Variants in PUS10 observed in about 807,000 individuals in gnomAD.
The protein encoded by PUS10 is tRNA pseudouridine synthase Pus10.
PUS10 carries 59 observed loss-of-function variants against 75.0 expected under a neutral mutation model. The observed-to-expected ratio is 0.79, with a 90% CI of 0.64 to 0.98. The LOEUF (loss-of-function observed/expected upper bound fraction) is 0.98, where lower values mean the gene tolerates loss of function less well. PUS10 is among the 50% of genes least tolerant of loss of function. The pLI is 0.00. For missense variants in PUS10, 650 were observed against 614.4 expected, an observed-to-expected ratio of 1.06 and a Z score of -0.61; for synonymous variants, 219 against 211.6, an observed-to-expected ratio of 1.03 and a Z score of -0.30.
At chr2:60,965,513 G>A (rs751395687) in intron 6 of PUS10, 29 bp from the exon 7 acceptor site, 4 of 1,497,070 alleles carry the variant, frequency 2.7e-6, no homozygotes, top group South Asian at 2.4e-5. Context: ...GTTTAAAAAT[G>A]AGCAAAAGGA....
At chr2:60,997,135 TAG>T (rs1277431451) in intron 4 of PUS10, among the ~76,000 whole-genome samples, 2 of 152,190 alleles carry the variant, frequency 1.3e-5, no homozygotes, top group Non-Finnish European at 2.9e-5. Context: ...TTTGATAAGA[TAG>T]AGTGGATTGC....
intron 4 of PUS10, among the ~76,000 whole-genome samples, chr2:60,994,384 C>CAAAAAAAAA (rs35312310): frequency 7.3e-6 from 1 of 136,386 alleles, no homozygotes. Context: ...TTCCTCAGAG[C>CAAAAAAAAA]AAAAAAAAAA....
chr2:60,974,301 C>T (rs560596618), intron 4 of PUS10, among the ~76,000 whole-genome samples: 3 of 150,704 alleles, frequency 2.0e-5, no homozygotes, highest in Admixed American at 6.6e-5. Context: ...CTGCAACCTC[C>T]GCCTCCCGAG....
intron 4 of PUS10, among the ~76,000 whole-genome samples, chr2:61,004,637 A>G (rs941395274): frequency 6.6e-6 from 1 of 151,182 alleles, no homozygotes; most frequent in African/African-American, 2.4e-5. Context: ...TCAAAAAAAA[A>G]AAAAAAAAAA....
chr2:60,999,293 TAGA>T (rs1341670828), intron 4 of PUS10, among the ~76,000 whole-genome samples: 2 of 152,134 alleles, frequency 1.3e-5, no homozygotes, highest in African/African-American at 4.8e-5. Context: ...CATTATGATG[TAGA>T]AGTTTAGAGG....
At position 60,961,013 on chromosome 2, in the gene PUS10, T is replaced by C. The variant is rs1470531865; in HGVS notation, c.874+450A>G. 3.3e-5 allele frequency among the ~76,000 whole-genome samples: 5 copies of C among 152,180 alleles called. No homozygotes were observed. In the East Asian group the frequency reaches 5.8e-4, roughly 18 times the overall value. On this transcript the variant is annotated intron_variant, in intron 10 of 17. Coordinates refer to ENST00000316752, the MANE Select transcript of PUS10 (RefSeq NM_144709.4). ...ACAGTTGTAACTTTCAAACAAAAATTTGTCTGCCAGATTACCTTTTAGGAA... is the reference window on the plus strand; with the variant it reads ...ACAGTTGTAACTTTCAAACAAAAATCTGTCTGCCAGATTACCTTTTAGGAA...
chr2:61,011,987 C>T, intron 1 of PUS10, 82 bp from the exon 2 acceptor site: 1 of 1,124,750 alleles, frequency 8.9e-7, no homozygotes, highest in South Asian at 1.7e-5. Flanking sequence ...GGGATAAAAA[C>T]TAGCTTTCAT....
At chr2:60,965,582 G>C (rs1003217341) in intron 6 of PUS10, 98 bp from the exon 7 acceptor site, 1 of 871,844 alleles carries the variant, frequency 1.1e-6, no homozygotes, top group South Asian at 1.7e-5. Context: ...GATTGGCTCA[G>C]AAAAGAATGA....
At chr2:60,971,601 C>G in intron 4 of PUS10, 44 bp from the exon 5 acceptor site, 1 of 1,580,206 alleles carries the variant, frequency 6.3e-7, no homozygotes, top group Non-Finnish European at 8.7e-7. Flanking sequence ...AAGGGGGAAA[C>G]ATGTTCAGTG....
intron 1 of PUS10, among the ~76,000 whole-genome samples, chr2:61,013,429 G>A (rs545847286): frequency 2.0e-5 from 3 of 152,290 alleles, no homozygotes; most frequent in African/African-American, 7.2e-5. Flanking sequence ...TCCCCACTGA[G>A]TTGATTACCT....
At chr2:60,952,516 A>G (rs2104227572) in intron 15 of PUS10, among the ~76,000 whole-genome samples, 1 of 152,268 alleles carries the variant, frequency 6.6e-6, no homozygotes, top group South Asian at 2.1e-4. Flanking sequence ...TTATTCATGT[A>G]TTTAATCTCA....
chr2:60,987,402 G>A (rs1193245833), intron 4 of PUS10, among the ~76,000 whole-genome samples: 3 of 151,854 alleles, frequency 2.0e-5, no homozygotes, highest in Non-Finnish European at 4.4e-5. Context: ...AAGGGAGGGA[G>A]GAAGAAAGAG....
chr2:61,014,846 C>T (rs183492336), intron 1 of PUS10, among the ~76,000 whole-genome samples: 87 of 152,272 alleles, frequency 5.7e-4, no homozygotes, highest in Admixed American at 2.7e-3. Flanking sequence ...TTTTCCAAAC[C>T]TCTAAAACTT....
At chr2:60,957,484 G>C (rs1402730576) in intron 11 of PUS10, among the ~76,000 whole-genome samples, 1 of 152,200 alleles carries the variant, frequency 6.6e-6, no homozygotes, top group Non-Finnish European at 1.5e-5. Context: ...CACTGGGATG[G>C]CTACCTGTCA....
chr2:61,010,680 T>TG, intron 2 of PUS10: 1 of 1,238,186 alleles, frequency 8.1e-7, no homozygotes, highest in Middle Eastern at 2.0e-4. Context: ...TCCCTTAAAG[T>TG]CCTGTGAGGT....
chr2:60,997,745 G>C (rs572412374), intron 4 of PUS10, among the ~76,000 whole-genome samples: 2 of 152,138 alleles, frequency 1.3e-5, no homozygotes, highest in Non-Finnish European at 2.9e-5. Flanking sequence ...AAGTTTAAAG[G>C]AATCAAACTT....
intron 4 of PUS10, among the ~76,000 whole-genome samples, chr2:60,981,182 C>T (rs1221270111): frequency 6.6e-6 from 1 of 151,892 alleles, no homozygotes; most frequent in Non-Finnish European, 1.5e-5. Context: ...TGTGAGCCAC[C>T]ACGCCAAGCC....
At chr2:60,983,068 T>C (rs914811921) in intron 4 of PUS10, among the ~76,000 whole-genome samples, 2 of 152,104 alleles carry the variant, frequency 1.3e-5, no homozygotes, top group Non-Finnish European at 2.9e-5. Flanking sequence ...TAATTTTTTG[T>C]CTTGGTAGAG....
Position 60,962,898 on chromosome 2 carries a change from G to C in PUS10, c.724-8C>G. On this transcript the variant is annotated splice_region_variant and splice_polypyrimidine_tract_variant and intron_variant, in intron 8 of 17. Transcript: ENST00000316752. Reference sequence around the variant, plus strand: ...CATTCTAGTGAATACAGACTATATAGGGTAAAATGAGAAGAAAAGACATTT... The same window carrying C: ...CATTCTAGTGAATACAGACTATATACGGTAAAATGAGAAGAAAAGACATTT... 6.5e-7 allele frequency: 1 copy of C among 1,545,454 alleles called. No homozygotes were observed. Among genetic ancestry groups the C allele is most frequent in the South Asian group, 1.2e-5 (1 of 81,336 alleles).
Sources: gnomAD v4.1 joint callset for allele counts (sites outside exome capture counted in the v4.1 genomes callset) on GRCh38, gnomAD v4.1.1 for gene constraint, MANE v1.5 for transcripts, NCBI Gene and HGNC (gene_info 2026-07-23, HGNC 2026-07-21) for gene names.